Variants in ST18 observed in about 807,000 individuals in gnomAD.
ST18 encodes suppression of tumorigenicity 18 protein.
A neutral mutation model predicts 110.0 loss-of-function variants in ST18; 50 were observed. That is an observed-to-expected ratio of 0.45 (90% CI 0.36 to 0.58). The LOEUF is 0.58. Among genes scored for constraint, ST18 ranks in the 20% least tolerant of loss-of-function variants. The pLI is 0.00. For missense variants in ST18, 1,306 were observed against 1,280.1 expected, an observed-to-expected ratio of 1.02 and a Z score of -0.31; for synonymous variants, 461 against 452.4, an observed-to-expected ratio of 1.02 and a Z score of -0.24.
At chr8:52,258,388 T>A (rs565381567) in intron 2 of ST18, among the ~76,000 whole-genome samples, 18 of 152,348 alleles carry the variant, frequency 1.2e-4, no homozygotes, top group South Asian at 2.1e-4. Context: ...TCTTGCAAGA[T>A]TACAACTTCT....
At position 52,212,128 on chromosome 8, in the gene ST18, A is replaced by G. The variant is rs371134666; in HGVS notation, c.56-19T>C. 1 of 1,596,242 alleles carries G rather than the reference A, an allele frequency of 6.3e-7. No individual in the cohort carries two copies. Among genetic ancestry groups the G allele is most frequent in the Non-Finnish European group, 8.5e-7 (1 of 1,176,276 alleles). ...ATTGGCACTGTTGACAAAAGAAGAA[A>G]AAAAAGAAGACTTAATCAGTTGATA... On this transcript the variant is annotated intron_variant, in intron 7 of 25. Coordinates refer to ENST00000689386, the MANE Select transcript of ST18 (RefSeq NM_001352837.2).
At chr8:52,324,753 T>C (rs1335594411) in intron 2 of ST18, among the ~76,000 whole-genome samples, 3 of 152,222 alleles carry the variant, frequency 2.0e-5, no homozygotes, top group East Asian at 1.9e-4. Flanking sequence ...ATACTGGGCA[T>C]AGAAAAATGA....
intron 2 of ST18, among the ~76,000 whole-genome samples, chr8:52,258,752 A>G (rs894445359): frequency 6.6e-6 from 1 of 151,954 alleles, no homozygotes; most frequent in Non-Finnish European, 1.5e-5. Context: ...TTGGTTAAAA[A>G]CCCCAATATA....
chr8:52,396,049 G>A (rs1841014581), intron 2 of ST18, among the ~76,000 whole-genome samples: 1 of 151,872 alleles, frequency 6.6e-6, no homozygotes, highest in African/African-American at 2.4e-5. Flanking sequence ...TATATTTCAG[G>A]TTTACAACGT....
intron 15 of ST18, among the ~76,000 whole-genome samples, chr8:52,155,910 T>A (rs185564502): frequency 6.6e-6 from 1 of 152,254 alleles, no homozygotes; most frequent in Admixed American, 6.5e-5. Context: ...TCAAAAAGAT[T>A]GTGCCCATGG....
intron 10 of ST18, among the ~76,000 whole-genome samples, chr8:52,169,011 C>T (rs2063903467): frequency 1.3e-5 from 2 of 152,248 alleles, no homozygotes; most frequent in South Asian, 4.1e-4. Flanking sequence ...GGATTGGCGT[C>T]GCACACTTCC....
rs1183787333 is a variant in ST18, at chr8:52,172,061, A to T, written c.800T>A (p.Leu267Gln). 3 of 1,614,126 alleles carry T rather than the reference A, an allele frequency of 1.9e-6. No homozygotes were observed. The highest frequency in any genetic ancestry group is 2.5e-6 in the Non-Finnish European group (3 of 1,180,062). ...KDPQNALAEPLDGNAQPSFPD... is the reference protein window; with the variant it reads ...KDPQNALAEPQDGNAQPSFPD... The stretch of plus-strand genomic sequence containing the variant: ...GAATGAGGGCTGGGCATTGCCATCC[A>T]GGGGTTCTGCGAGAGCATTCTGCGG... The change falls in exon 10 of 26, where the codon CTG (leucine) becomes CAG (glutamine). Residue 267 changes from leucine (L) to glutamine (Q), a missense_variant. By Grantham distance (113) the Leu-to-Gln change is moderately radical. Coordinates refer to ENST00000689386, the MANE Select transcript of ST18 (RefSeq NM_001352837.2).
chr8:52,368,480 T>C (rs1209004177), intron 2 of ST18, among the ~76,000 whole-genome samples: 1 of 152,154 alleles, frequency 6.6e-6, no homozygotes, highest in Non-Finnish European at 1.5e-5. Context: ...CAAATGGAGA[T>C]CTAAAAAGAG....
chr8:52,310,177 GC>G (rs1197269907), intron 2 of ST18, among the ~76,000 whole-genome samples: 9 of 152,262 alleles, frequency 5.9e-5, no homozygotes, highest in Admixed American at 5.9e-4. Flanking sequence ...TTTCTTTCCT[GC>G]AGTTTAATGG....
In ST18 at chr8:52,217,817, G is replaced by C. The variant is rs545841038; in HGVS notation, c.-72C>G. ...TCTTTTCTTACTGGAGCTTACATCA[G>C]GGGCAATAAGCAGGTCTCTTCCACA... On this transcript the variant is annotated 5_prime_UTR_variant, in exon 6 of 26. Transcript: ENST00000689386. The C allele has an allele frequency of 6.6e-6, 1 of 152,308 alleles. No homozygotes were observed. Among genetic ancestry groups the C allele is most frequent in the Non-Finnish European group, 1.5e-5 (1 of 68,050 alleles). The allele number at this position is 152,308 out of a possible 1,614,324, so 9.4% of individuals were successfully genotyped here.
intron 2 of ST18, among the ~76,000 whole-genome samples, chr8:52,329,235 G>A (rs973218700): frequency 1.3e-5 from 2 of 150,190 alleles, no homozygotes; most frequent in African/African-American, 2.5e-5. Context: ...GTGTGTGTGT[G>A]TGTGTGTGTG....
At chr8:52,276,149 AC>A (rs2095245185) in intron 2 of ST18, among the ~76,000 whole-genome samples, 1 of 2,208 alleles carries the variant, frequency 4.5e-4, no homozygotes, top group African/African-American at 1.4e-3. Flanking sequence ...CCACATGCAC[AC>A]CACGCACCAC....
chr8:52,394,040 CTCA>C (rs1294274933), intron 2 of ST18, among the ~76,000 whole-genome samples: 2 of 152,112 alleles, frequency 1.3e-5, no homozygotes, highest in Admixed American at 6.5e-5. Flanking sequence ...AAGTGTAATT[CTCA>C]TCATATCTTC....
intron 5 of ST18, 97 bp from the exon 6 acceptor site, chr8:52,217,998 G>C (rs180731679): frequency 1.3e-5 from 2 of 152,182 alleles, no homozygotes; most frequent in African/African-American, 4.8e-5. Flanking sequence ...GACATGTGGG[G>C]AGGTTTTATT....
At chr8:52,196,663 T>C (rs1375995254) in intron 8 of ST18, among the ~76,000 whole-genome samples, 1 of 152,240 alleles carries the variant, frequency 6.6e-6, no homozygotes, top group East Asian at 1.9e-4. Context: ...TTAGTTATGT[T>C]GTTAATGTCT....
intron 10 of ST18, among the ~76,000 whole-genome samples, chr8:52,167,694 G>A (rs1346497295): frequency 6.6e-6 from 1 of 152,226 alleles, no homozygotes; most frequent in Non-Finnish European, 1.5e-5. Flanking sequence ...GACTTGGAAG[G>A]GAAATGTTCT....
intron 22 of ST18, among the ~76,000 whole-genome samples, chr8:52,129,257 G>A (rs369051621): frequency 6.6e-6 from 1 of 151,998 alleles, no homozygotes; most frequent in East Asian, 1.9e-4. Flanking sequence ...TTTGAGTTCA[G>A]GAGTTTGAGA....
At chr8:52,150,042 G>A in intron 15 of ST18, 65 bp from the exon 16 acceptor site, 4 of 1,527,064 alleles carry the variant, frequency 2.6e-6, no homozygotes, top group Non-Finnish European at 3.5e-6. Flanking sequence ...GCCATGTGGG[G>A]CTTTTAAGGG....
chr8:52,152,427 T>A (rs927366880), intron 15 of ST18, among the ~76,000 whole-genome samples: 1 of 152,188 alleles, frequency 6.6e-6, no homozygotes, highest in Non-Finnish European at 1.5e-5. Flanking sequence ...TTTCTTCAAG[T>A]GCTATTCTGG....
Sources: gnomAD v4.1 joint callset for allele counts (sites outside exome capture counted in the v4.1 genomes callset) on GRCh38, gnomAD v4.1.1 for gene constraint, MANE v1.5 for transcripts, NCBI Gene and HGNC (gene_info 2026-07-23, HGNC 2026-07-21) for gene names.